TSPAN9: variants seen among roughly 807,000 people sequenced by gnomAD.
TSPAN9 encodes the protein tetraspanin-9.
Under a neutral mutation model 31.0 loss-of-function variants are expected in TSPAN9, and 16 were observed. That is an observed-to-expected ratio of 0.52 (90% confidence interval 0.35 to 0.78). The LOEUF is 0.78. TSPAN9 is among the 30% of genes least tolerant of loss of function. TSPAN9 has a pLI of 0.01. For missense variants in TSPAN9, 272 were observed against 312.5 expected, an observed-to-expected ratio of 0.87 and a Z score of 0.98; for synonymous variants, 145 against 121.6, an observed-to-expected ratio of 1.19 and a Z score of -1.27.
chr12:3,092,160 C>T (rs2098305076), intron 2 of TSPAN9, among the ~76,000 whole-genome samples: 1 of 152,206 alleles, frequency 6.6e-6, no homozygotes, highest in Admixed American at 6.5e-5. Context: ...GGCTCGCTAG[C>T]TTGAGGCCTG....
At chr12:3,122,836 T>C (rs1050742954) in intron 2 of TSPAN9, among the ~76,000 whole-genome samples, 1 of 152,254 alleles carries the variant, frequency 6.6e-6, no homozygotes, top group African/African-American at 2.4e-5. Context: ...CCTTGGTTTC[T>C]ATTTACTGGC....
chr12:3,098,076 G>A (rs1221905516), intron 2 of TSPAN9, among the ~76,000 whole-genome samples: 1 of 152,236 alleles, frequency 6.6e-6, no homozygotes, highest in East Asian at 1.9e-4. Flanking sequence ...GAGTGCAGCC[G>A]GATGTGACAG....
chr12:3,209,698 G>A (rs11062568), intron 3 of TSPAN9, among the ~76,000 whole-genome samples: 2 of 152,154 alleles, frequency 1.3e-5, no homozygotes, highest in East Asian at 1.9e-4. Flanking sequence ...GGTGGCTCAC[G>A]CCTGTAATCC....
chr12:3,256,730 A>G (rs577278136), intron 3 of TSPAN9, among the ~76,000 whole-genome samples: 1 of 152,274 alleles, frequency 6.6e-6, no homozygotes, highest in East Asian at 1.9e-4. Context: ...GAAAACCCCA[A>G]AGTCACGACT....
At chr12:3,094,747 C>A (rs2098306956) in intron 2 of TSPAN9, among the ~76,000 whole-genome samples, 1 of 151,024 alleles carries the variant, frequency 6.6e-6, no homozygotes, top group South Asian at 2.1e-4. Flanking sequence ...GTTGGTCAGG[C>A]TGGTCTCGAA....
intron 3 of TSPAN9, among the ~76,000 whole-genome samples, chr12:3,226,696 G>A (rs77410211): frequency 1.2e-3 from 27 of 22,242 alleles, no homozygotes; most frequent in East Asian, 1.4e-3. Flanking sequence ...GTGTGTGTGT[G>A]TGTGTGTGTG....
intron 3 of TSPAN9, among the ~76,000 whole-genome samples, chr12:3,209,688 G>A (rs570719313): frequency 3.4e-5 from 5 of 147,668 alleles, no homozygotes; most frequent in East Asian, 4.0e-4. Flanking sequence ...GGCCGGGCGC[G>A]GTGGCTCACG....
chr12:3,149,932 G>C (rs2098339025), intron 2 of TSPAN9: 2 of 152,290 alleles, frequency 1.3e-5, no homozygotes, highest in South Asian at 4.1e-4. Flanking sequence ...TTTCTCTGAA[G>C]TATGCCTGAC....
intron 2 of TSPAN9, among the ~76,000 whole-genome samples, chr12:3,108,250 C>T (rs2098315669): frequency 2.0e-5 from 3 of 152,178 alleles, no homozygotes; most frequent in Non-Finnish European, 4.4e-5. Context: ...AGTAGGTACT[C>T]TGTGAATATT....
intron 3 of TSPAN9, among the ~76,000 whole-genome samples, chr12:3,244,292 C>T (rs928568115): frequency 6.6e-6 from 1 of 152,164 alleles, no homozygotes; most frequent in Non-Finnish European, 1.5e-5. Context: ...CCTTATCCTC[C>T]CCCTGCACTT....
chr12:3,198,127 G>C (rs1591671581), intron 2 of TSPAN9, among the ~76,000 whole-genome samples: 2 of 71,728 alleles, frequency 2.8e-5, no homozygotes, highest in East Asian at 3.8e-4. Context: ...ACCAGCACAG[G>C]CCACCACCAG....
At position 3,109,239 on chromosome 12, in the gene TSPAN9, A is replaced by G. The variant is rs532926416; in HGVS notation, c.-18+25520A>G. On this transcript the variant is annotated intron_variant, in intron 2 of 8. Coordinates refer to ENST00000011898, the MANE Select transcript of TSPAN9 (RefSeq NM_006675.5). ...GTGTGAGCCACCGCTCCTGGCCAGGAGGAAGGATTCTTTACTGTTTCATAT... is the reference window on the plus strand; with the variant it reads ...GTGTGAGCCACCGCTCCTGGCCAGGGGGAAGGATTCTTTACTGTTTCATAT... 2.8e-5 allele frequency among the ~76,000 whole-genome samples: 4 copies of G among 142,372 alleles called. No homozygotes were observed. In the South Asian group the frequency reaches 9.1e-4, roughly 32 times the overall value. 93.4% of individuals were successfully genotyped at this position (142,372 alleles called of 152,430 possible).
intron 2 of TSPAN9, among the ~76,000 whole-genome samples, chr12:3,194,163 T>G (rs1304725957): frequency 6.6e-6 from 1 of 152,172 alleles, no homozygotes; most frequent in Admixed American, 6.5e-5. Context: ...GGGTGGTCAC[T>G]GACAGGCACT....
In TSPAN9 at chr12:3,107,258, G is replaced by A. The variant is rs1360601117; in HGVS notation, c.-18+23539G>A. ...TTGAGTTAGAGTGGTGGAGGGGCCAGACTGTTACTCATCCTTGACTGTTTC... is the reference window on the plus strand; with the variant it reads ...TTGAGTTAGAGTGGTGGAGGGGCCAAACTGTTACTCATCCTTGACTGTTTC... On this transcript the variant is annotated intron_variant, in intron 2 of 8. Coordinates refer to ENST00000011898, the MANE Select transcript of TSPAN9 (RefSeq NM_006675.5). This position sits in a 1 kb window ranked among gnomAD's most constrained non-coding sequence, Gnocchi z 4.1. Among the ~76,000 whole-genome samples the A allele has an allele frequency of 6.6e-6, 1 of 152,202 alleles. No individual in the cohort carries two copies. Among genetic ancestry groups the A allele is most frequent in the Non-Finnish European group, 1.5e-5 (1 of 68,030 alleles).
rs2098352489 is a variant in TSPAN9, at chr12:3,172,435, AGAGATTAATAACTGGT to A, written c.-17-28740_-17-28725del. ...CCTGATTCTTTATCTCTAAAACGAG[AGAGATTAATAACTGGT>A]GGTTCTTAGTCTGGCGCGAGCGGGT... On this transcript the variant is annotated intron_variant, in intron 2 of 8. Coordinates refer to ENST00000011898, the MANE Select transcript of TSPAN9 (RefSeq NM_006675.5). The surrounding 1 kb of genome is among the most constrained non-coding windows in gnomAD (Gnocchi z 4.8). 6.6e-6 allele frequency: 1 copy of A among 152,210 alleles called. No individual in the cohort carries two copies. Among genetic ancestry groups the A allele is most frequent in the South Asian group, 2.1e-4 (1 of 4,830 alleles). 9.4% of individuals were successfully genotyped at this position (152,210 alleles called of 1,614,324 possible).
intron 3 of TSPAN9, among the ~76,000 whole-genome samples, chr12:3,274,977 C>T (rs138992021): frequency 1.7e-4 from 26 of 152,282 alleles, no homozygotes; most frequent in African/African-American, 5.8e-4. Flanking sequence ...TTCCTGGGGG[C>T]CTGGAGGACT....
intron 2 of TSPAN9, among the ~76,000 whole-genome samples, chr12:3,135,684 A>G (rs575287363): frequency 4.8e-4 from 73 of 152,022 alleles, no homozygotes; most frequent in African/African-American, 1.6e-3. Context: ...CCCCAGGTCC[A>G]TCGTATTCAA....
intron 2 of TSPAN9, among the ~76,000 whole-genome samples, chr12:3,109,265 A>AGTGT (rs1461795540): frequency 7.4e-5 from 2 of 26,928 alleles, no homozygotes; most frequent in South Asian, 1.9e-3. Context: ...TGTTTCATAT[A>AGTGT]GTCTGTGTGT....
intron 1 of TSPAN9, among the ~76,000 whole-genome samples, chr12:3,078,318 C>G (rs574155579): frequency 6.6e-6 from 1 of 152,256 alleles, no homozygotes; most frequent in African/African-American, 2.4e-5. Context: ...CCCTTCTGAC[C>G]TGCAGCTGTC....
Sources: gnomAD v4.1 joint callset for allele counts (sites outside exome capture counted in the v4.1 genomes callset) on GRCh38, gnomAD v4.1.1 for gene constraint, Gnocchi (gnomAD v3.1) non-coding constraint, MANE v1.5 for transcripts, NCBI Gene and HGNC (gene_info 2026-07-23, HGNC 2026-07-21) for gene names.